SH2D4A: variants seen among roughly 807,000 people sequenced by gnomAD.
SH2D4A encodes SH2 domain containing 4A.
A neutral mutation model predicts 64.7 loss-of-function variants in SH2D4A; 70 were observed. The observed-to-expected ratio is 1.08, with a 90% CI of 0.89 to 1.32. The LOEUF is 1.32. Among genes scored for constraint, SH2D4A ranks in the 40% most tolerant of loss-of-function variants. The pLI is 0.00. For missense variants in SH2D4A, 706 were observed against 540.1 expected (o/e 1.31, Z -3.04); for synonymous variants, 268 against 200.7 (o/e 1.34, Z -2.83).
intron 8 of SH2D4A, among the ~76,000 whole-genome samples, chr8:19,383,394 T>G (rs78361263): frequency 7.3e-6 from 1 of 136,622 alleles, no homozygotes; most frequent in Non-Finnish European, 1.5e-5. Context: ...TTGTTCTTGG[T>G]TTTTTTTTTT....
intron 5 of SH2D4A, among the ~76,000 whole-genome samples, chr8:19,358,838 T>C (rs2052834749): frequency 6.6e-6 from 1 of 152,164 alleles, no homozygotes; most frequent in African/African-American, 2.4e-5. Flanking sequence ...CAGCGTGCCC[T>C]TGTTTTCTGG....
chr8:19,345,910 A>C (rs1404249446), intron 4 of SH2D4A, among the ~76,000 whole-genome samples: 2 of 152,202 alleles, frequency 1.3e-5, no homozygotes, highest in Non-Finnish European at 2.9e-5. Flanking sequence ...TAGCCATGAG[A>C]AGCAAATCTT....
At chr8:19,319,838 A>T (rs772918241) in intron 2 of SH2D4A, 110 bp downstream of exon 2, 25 of 1,115,968 alleles carry the variant, frequency 2.2e-5, no homozygotes, top group Non-Finnish European at 3.1e-5. Flanking sequence ...CCAGTTTGGC[A>T]GATGAATCCT....
chr8:19,377,413 C>T (rs1422513501), intron 8 of SH2D4A, among the ~76,000 whole-genome samples: 1 of 152,110 alleles, frequency 6.6e-6, no homozygotes, highest in African/African-American at 2.4e-5. Context: ...GAATTAAGGT[C>T]CCCTTTGTTA....
chr8:19,323,382 T>C (rs976131939), intron 2 of SH2D4A, among the ~76,000 whole-genome samples: 9 of 123,620 alleles, frequency 7.3e-5, no homozygotes, highest in African/African-American at 2.7e-4. Context: ...TTCCTTTTGA[T>C]TTTTTTTTTT....
At chr8:19,385,601 T>A (rs984480514) in intron 8 of SH2D4A, among the ~76,000 whole-genome samples, 1 of 152,172 alleles carries the variant, frequency 6.6e-6, no homozygotes, top group African/African-American at 2.4e-5. Flanking sequence ...GAATTGTTGT[T>A]CCCTAGAGAT....
intron 4 of SH2D4A, among the ~76,000 whole-genome samples, chr8:19,339,637 C>T (rs998858348): frequency 1.3e-5 from 2 of 151,820 alleles, no homozygotes; most frequent in African/African-American, 4.8e-5. Context: ...GTAGCTGGGA[C>T]TACAGGCACA....
chr8:19,377,625 A>G (rs1232529570), intron 8 of SH2D4A, among the ~76,000 whole-genome samples: 1 of 152,192 alleles, frequency 6.6e-6, no homozygotes, highest in East Asian at 1.9e-4. Flanking sequence ...GCTTATACAC[A>G]TAGACAGGCT....
intron 7 of SH2D4A, among the ~76,000 whole-genome samples, chr8:19,371,542 G>C (rs772558515): frequency 1.7e-4 from 26 of 152,172 alleles, no homozygotes; most frequent in Non-Finnish European, 3.2e-4. Context: ...ATATGTCTTG[G>C]GGTATTCCTA....
At chr8:19,317,883 A>G (rs1025106613) in intron 1 of SH2D4A, among the ~76,000 whole-genome samples, 1 of 151,988 alleles carries the variant, frequency 6.6e-6, no homozygotes, top group African/African-American at 2.4e-5. Flanking sequence ...ATAACAAATT[A>G]TTGGTCAATT....
At position 19,395,667 on chromosome 8, in the gene SH2D4A, A is replaced by G. The variant is rs981881936; in HGVS notation, c.*1025A>G. The G allele has an allele frequency of 1.3e-5, 2 of 152,222 alleles. No homozygotes were observed. The highest frequency in any genetic ancestry group is 2.9e-5 in the Non-Finnish European group (2 of 68,106). 9.4% of individuals were successfully genotyped at this position (152,222 alleles called of 1,614,324 possible). A position where few individuals can be genotyped will look rare whatever the true frequency, so the allele number is the denominator to read the frequency against. The stretch of plus-strand genomic sequence containing the variant: ...GAGTGATGCAGCCGGAAGGGAAGGG[A>G]CACCAAGGATCTCCGGCCACCAGCA... On this transcript the variant is annotated 3_prime_UTR_variant, in exon 10 of 10. Coordinates refer to ENST00000265807, the MANE Select transcript of SH2D4A (RefSeq NM_022071.4).
intron 9 of SH2D4A, 83 bp downstream of exon 9, chr8:19,393,624 A>AG (rs1485884338): frequency 6.1e-5 from 84 of 1,377,850 alleles, no homozygotes; most frequent in Non-Finnish European, 6.9e-5. Flanking sequence ...TACAAAGAAA[A>AG]GGACTGAGAC....
chr8:19,341,914 G>A (rs1427843644), intron 4 of SH2D4A, among the ~76,000 whole-genome samples: 1 of 151,576 alleles, frequency 6.6e-6, no homozygotes, highest in African/African-American at 2.4e-5. Flanking sequence ...CCAGACCTGA[G>A]TCAGAATGCA....
At chr8:19,363,939 G>C (rs572540790) in intron 6 of SH2D4A, 133 bp from the exon 7 acceptor site, 1 of 779,960 alleles carries the variant, frequency 1.3e-6, no homozygotes, top group East Asian at 2.7e-5. Flanking sequence ...TGTTGATAAT[G>C]ATTGTTCCTT....
intron 7 of SH2D4A, among the ~76,000 whole-genome samples, chr8:19,370,118 C>A (rs1393346574): frequency 3.3e-5 from 5 of 151,948 alleles, no homozygotes; most frequent in African/African-American, 1.2e-4. Flanking sequence ...TAGTTTTCCT[C>A]CTATTACTGA....
chr8:19,393,705 C>G (rs1019616646), intron 9 of SH2D4A, among the ~76,000 whole-genome samples, 164 bp downstream of exon 9: 9 of 152,202 alleles, frequency 5.9e-5, no homozygotes, highest in African/African-American at 2.2e-4. Flanking sequence ...GATTGTTAAT[C>G]ACATTTCATT....
chr8:19,364,023 C>T, intron 6 of SH2D4A, 49 bp from the exon 7 acceptor site: 1 of 1,592,336 alleles, frequency 6.3e-7, no homozygotes, highest in African/African-American at 1.3e-5. Flanking sequence ...GCCTTCTCAC[C>T]TGCTCTGTGG....
In SH2D4A at chr8:19,364,124, A is replaced by G; in HGVS notation, c.759A>G (p.Ala253=). 6.2e-7 allele frequency: 1 copy of G among 1,614,152 alleles called. No individual in the cohort carries two copies. ...DEKRRSLAKQ[A]REDYKRLSLG... is the part of the protein sequence containing the mutation. ...AGAGACGCTCCTTGGCTAAACAAGC[A>G]CGAGAAGACTACAAGAGGTTATCCC... The change falls in exon 7 of 10, where the codon GCA becomes GCG. Residue 253 remains alanine (A), a synonymous_variant. Transcript: ENST00000265807.
intron 2 of SH2D4A, among the ~76,000 whole-genome samples, chr8:19,331,597 G>T (rs994050708): frequency 2.0e-5 from 3 of 152,214 alleles, no homozygotes; most frequent in Non-Finnish European, 4.4e-5. Flanking sequence ...GCTTCACCAA[G>T]TATCATACTA....
Sources: allele counts gnomAD v4.1 joint callset (sites outside exome capture counted in the v4.1 genomes callset), GRCh38; gene constraint gnomAD v4.1.1; transcripts MANE v1.5; gene names NCBI Gene and HGNC (gene_info 2026-07-23, HGNC 2026-07-21).